AKT3: variants seen among roughly 807,000 people sequenced by gnomAD.
The protein encoded by AKT3 is RAC-gamma serine/threonine-protein kinase.
AKT3 carries 15 observed loss-of-function variants against 65.3 expected under a neutral mutation model. The ratio of observed to expected loss-of-function variants is 0.23; its 90% CI spans 0.15 to 0.35. The LOEUF (loss-of-function observed/expected upper bound fraction) is 0.35. Ranked by LOEUF, AKT3 falls within the 10% of genes least tolerant of loss-of-function variation. The pLI is 1.00. For synonymous variants in AKT3, 206 were observed against 183.8 expected, an observed-to-expected ratio of 1.12 and a Z score of -0.98; for missense variants, 243 against 576.5, an observed-to-expected ratio of 0.42 and a Z score of 5.92.
chr1:243,831,761 A>G (rs551172912), intron 2 of AKT3, among the ~76,000 whole-genome samples: 1 of 152,180 alleles, frequency 6.6e-6, no homozygotes, highest in South Asian at 2.1e-4. Context: ...CCCCTTTTCC[A>G]TACTCAGAGG....
chr1:243,662,884 A>G (rs959656851), intron 4 of AKT3, among the ~76,000 whole-genome samples: 1 of 152,180 alleles, frequency 6.6e-6, no homozygotes, highest in South Asian at 2.1e-4. Context: ...ATGAAAACTG[A>G]TTGTTCAGAA....
chr1:243,604,279 C>T (rs1677233491), intron 8 of AKT3, among the ~76,000 whole-genome samples: 1 of 152,102 alleles, frequency 6.6e-6, no homozygotes, highest in South Asian at 2.1e-4. Flanking sequence ...CACTTTTGTC[C>T]TCTCTACTTC....
intron 13 of AKT3, among the ~76,000 whole-genome samples, chr1:243,493,369 G>C (rs1254495189): frequency 1.3e-5 from 2 of 152,190 alleles, no homozygotes; most frequent in Non-Finnish European, 2.9e-5. Context: ...GAGCCAGCTG[G>C]TGAGGAAACA....
rs144195090 is a variant in AKT3 at position 243,803,091 on chromosome 1, T to G, written c.46+40034A>C. On this transcript the variant is annotated intron_variant, in intron 2 of 13. Transcript: ENST00000673466. ...TGAGCCCAGGAGTTCAAGGTTGCAG[T>G]GCGCTATGATCGCACTCCAACCTGG... Among the ~76,000 whole-genome samples, 228 of 152,298 alleles carry G rather than the reference T, an allele frequency of 1.5e-3. 1 individual carries two copies. Among genetic ancestry groups the G allele is most frequent in the African/African-American group, 5.3e-3 (220 of 41,566 alleles).
intron 3 of AKT3, among the ~76,000 whole-genome samples, chr1:243,670,497 T>C (rs1683084889): frequency 6.6e-6 from 1 of 152,210 alleles, no homozygotes; most frequent in Admixed American, 6.5e-5. Flanking sequence ...AATACTTCTT[T>C]AGAAGAATAT....
At chr1:243,789,231 A>T (rs559797762) in intron 2 of AKT3, among the ~76,000 whole-genome samples, 162 of 152,316 alleles carry the variant, frequency 1.1e-3, no homozygotes, top group Non-Finnish European at 1.8e-3. Context: ...TAATTTTTTT[A>T]AAAAATTAGC....
intron 3 of AKT3, among the ~76,000 whole-genome samples, chr1:243,668,961 G>A (rs946860040): frequency 1.3e-5 from 2 of 151,994 alleles, no homozygotes; most frequent in Admixed American, 6.6e-5. Flanking sequence ...TTTGAAATAT[G>A]AAAGTTAAAA....
At chr1:243,691,103 T>C (rs1295771864) in intron 3 of AKT3, among the ~76,000 whole-genome samples, 1 of 152,114 alleles carries the variant, frequency 6.6e-6, no homozygotes, top group Non-Finnish European at 1.5e-5. Flanking sequence ...GGAATAGGGA[T>C]GGGAATTAAA....
chr1:243,563,858 A>T lies in AKT3; in HGVS notation c.820-10T>A, dbSNP rs370193515. ...GCATTAGATTCTCCAACTGTGTATT[A>T]AGAAAAATGACATAATTTGTTCTAT... On this transcript the variant is annotated splice_polypyrimidine_tract_variant and intron_variant, in intron 9 of 13. Coordinates refer to ENST00000673466, the MANE Select transcript of AKT3 (RefSeq NM_005465.7). 3 of 1,599,268 alleles carry T rather than the reference A, an allele frequency of 1.9e-6. No individual in the cohort carries two copies. In the Admixed American group the frequency reaches 5.4e-5, roughly 29 times the overall value.
chr1:243,642,309 T>C (rs1680456242), intron 5 of AKT3, among the ~76,000 whole-genome samples: 1 of 151,898 alleles, frequency 6.6e-6, no homozygotes, highest in Non-Finnish European at 1.5e-5. Context: ...GTCCTTTTTT[T>C]TGTTTGTTTG....
intron 3 of AKT3, among the ~76,000 whole-genome samples, chr1:243,675,574 G>A (rs956729130): frequency 2.6e-5 from 4 of 152,104 alleles, no homozygotes; most frequent in Non-Finnish European, 4.4e-5. Context: ...CCTCTCCTTC[G>A]TTTTGCTGGT....
At chr1:243,523,724 G>A (rs1226005769) in intron 12 of AKT3, among the ~76,000 whole-genome samples, 1 of 152,108 alleles carries the variant, frequency 6.6e-6, no homozygotes, top group East Asian at 1.9e-4. Context: ...TCTGGGTCAG[G>A]CAACCTCTGA....
intron 13 of AKT3, among the ~76,000 whole-genome samples, chr1:243,492,604 G>GTTTTTTTTTTTTTT (rs74162289): frequency 3.4e-5 from 2 of 58,876 alleles, no homozygotes; most frequent in African/African-American, 1.4e-4. Flanking sequence ...GCGCCCAGCT[G>GTTTTTTTTTTTTTT]TTTTTTTTTT....
At chr1:243,755,765 A>T (rs145170967) in intron 2 of AKT3, among the ~76,000 whole-genome samples, 2 of 152,334 alleles carry the variant, frequency 1.3e-5, no homozygotes, top group East Asian at 3.9e-4. Flanking sequence ...ATGAACAGTA[A>T]AAGAACCCTT....
At chr1:243,645,294 A>C (rs990517933) in intron 5 of AKT3, among the ~76,000 whole-genome samples, 1 of 152,204 alleles carries the variant, frequency 6.6e-6, no homozygotes, top group African/African-American at 2.4e-5. Context: ...TGTAATAAGG[A>C]AATTGCTTTT....
intron 2 of AKT3, among the ~76,000 whole-genome samples, chr1:243,751,116 C>T (rs923045039): frequency 6.6e-6 from 1 of 151,988 alleles, no homozygotes; most frequent in Non-Finnish European, 1.5e-5. Context: ...CTAATTTACA[C>T]CAAACTCAAC....
At chr1:243,791,634 G>A (rs1275659958) in intron 2 of AKT3, among the ~76,000 whole-genome samples, 1 of 152,178 alleles carries the variant, frequency 6.6e-6, no homozygotes, top group Non-Finnish European at 1.5e-5. Flanking sequence ...TGAGACGAAG[G>A]ATAAATGGTG....
intron 2 of AKT3, among the ~76,000 whole-genome samples, chr1:243,842,365 G>A (rs924350598): frequency 1.3e-5 from 2 of 152,148 alleles, no homozygotes; most frequent in African/African-American, 2.4e-5. Flanking sequence ...GGCCATGTGG[G>A]TAAACAGTAG....
At chr1:243,517,454 A>G (rs1670440195) in intron 12 of AKT3, among the ~76,000 whole-genome samples, 1 of 152,192 alleles carries the variant, frequency 6.6e-6, no homozygotes, top group South Asian at 2.1e-4. Flanking sequence ...TTTTCCTTAT[A>G]TTAGTTTTTG....
Sources: gnomAD v4.1 joint callset for allele counts (sites outside exome capture counted in the v4.1 genomes callset) on GRCh38, gnomAD v4.1.1 for gene constraint, MANE v1.5 for transcripts, NCBI Gene and HGNC (gene_info 2026-07-23, HGNC 2026-07-21) for gene names.